CHD8: variants seen among roughly 807,000 people sequenced by gnomAD.
CHD8 encodes the protein chromodomain helicase DNA binding protein 8.
CHD8 carries 31 observed loss-of-function variants against 279.2 expected under a neutral mutation model. The ratio of observed to expected loss-of-function variants is 0.11; its 90% confidence interval spans 0.08 to 0.15. CHD8 has a LOEUF of 0.15. Ranked by LOEUF, CHD8 falls within the 10% of genes least tolerant of loss-of-function variation. CHD8 has a pLI of 1.00. For synonymous variants in CHD8, 1,081 were observed against 1,139.6 expected (o/e 0.95, Z 1.04); for missense variants, 2,146 against 3,230.5 (o/e 0.66, Z 8.14).
At position 21,403,976 on chromosome 14, in the gene CHD8, G is replaced by A. The variant is rs1025964229; in HGVS notation, c.3308-313C>T. On this transcript the variant is annotated intron_variant, in intron 16 of 37. Coordinates refer to ENST00000646647, the MANE Select transcript of CHD8 (RefSeq NM_001170629.2). This position sits in a 1 kb window ranked among gnomAD's most constrained non-coding sequence, Gnocchi z 4.3. Reference sequence around the variant, plus strand: ...TAGCCAGGTGTGGTGGCGGAGGCCTGTAGTTCCAGCTACTCAGGAGGCTGA... The same window carrying A: ...TAGCCAGGTGTGGTGGCGGAGGCCTATAGTTCCAGCTACTCAGGAGGCTGA... Among the ~76,000 whole-genome samples, 3 of 152,100 alleles carry A rather than the reference G, an allele frequency of 2.0e-5. No individual in the cohort carries two copies. The highest frequency in any genetic ancestry group is 7.2e-5 in the African/African-American group (3 of 41,416).
At chr14:21,446,578 T>A (rs1890127207) in intron 1 of CHD8, among the ~76,000 whole-genome samples, 1 of 152,220 alleles carries the variant, frequency 6.6e-6, no homozygotes, top group Non-Finnish European at 1.5e-5. Flanking sequence ...CCCAAAGTGC[T>A]AGGATTACTT....
intron 5 of CHD8, among the ~76,000 whole-genome samples, chr14:21,421,404 C>T (rs72684759): frequency 0.086 from 12,969 of 151,522 alleles, 753 homozygotes; most frequent in Middle Eastern, 0.2. Context: ...ATCTAGTATT[C>T]TACTGCATGA....
chr14:21,408,244 C>T lies in CHD8; in HGVS notation c.2730+68G>A. Reference sequence around the variant, plus strand: ...ATAAAAGTCTTCTATTCATATATAGCCCTTAAAATACCAGGTACCTTGGCC... The same window carrying T: ...ATAAAAGTCTTCTATTCATATATAGTCCTTAAAATACCAGGTACCTTGGCC... On this transcript the variant is annotated intron_variant, in intron 13 of 37. Transcript: ENST00000646647. This position sits in a 1 kb window ranked among gnomAD's most constrained non-coding sequence, Gnocchi z 4.3. 1.9e-6 allele frequency: 3 copies of T among 1,551,214 alleles called. No homozygotes were observed. The highest frequency in any genetic ancestry group is 2.3e-5 in the East Asian group (1 of 44,374).
chr14:21,435,168 A>G (rs1889729330), intron 1 of CHD8, among the ~76,000 whole-genome samples: 1 of 152,238 alleles, frequency 6.6e-6, no homozygotes, highest in Non-Finnish European at 1.5e-5. Flanking sequence ...CCATAATTAC[A>G]AACTAATGAC....
chr14:21,391,089 T>C (rs1330813216), intron 36 of CHD8, 26 bp from the exon 37 acceptor site: 4 of 1,360,904 alleles, frequency 2.9e-6, no homozygotes, highest in East Asian at 2.4e-5. Flanking sequence ...TCAGTTATCC[T>C]AGAGGAATAG....
intron 11 of CHD8, 81 bp downstream of exon 11, chr14:21,409,769 TA>T: frequency 7.2e-7 from 1 of 1,388,420 alleles, no homozygotes; most frequent in Non-Finnish European, 9.9e-7. Context: ...AATAAAAAGC[TA>T]AAACAACAAA....
intron 27 of CHD8, 114 bp downstream of exon 27, chr14:21,397,709 G>A: frequency 9.1e-7 from 1 of 1,102,030 alleles, no homozygotes; most frequent in Non-Finnish European, 1.3e-6. Flanking sequence ...TTTTTGCTAA[G>A]GATCTATCAC....
intron 1 of CHD8, among the ~76,000 whole-genome samples, chr14:21,448,845 G>A (rs994156743): frequency 1.3e-5 from 2 of 150,124 alleles, no homozygotes; most frequent in African/African-American, 2.4e-5. Flanking sequence ...TTACAGGCGT[G>A]AGCCACCGCG....
chr14:21,434,944 T>C (rs550103741), intron 1 of CHD8, among the ~76,000 whole-genome samples: 58 of 152,334 alleles, frequency 3.8e-4, no homozygotes, highest in African/African-American at 1.3e-3. Flanking sequence ...AACCATCTCA[T>C]GAATTCTCTT....
intron 5 of CHD8, among the ~76,000 whole-genome samples, chr14:21,422,861 A>G (rs1032174736): frequency 2.6e-5 from 4 of 152,222 alleles, no homozygotes; most frequent in African/African-American, 7.2e-5. Context: ...CCTGGGAGGC[A>G]GAGGTTGCAG....
In CHD8 at chr14:21,415,132, G is replaced by T. The variant is rs115307839; in HGVS notation, c.1969-139C>A. The T allele has an allele frequency of 1.8e-3, 1,153 of 635,894 alleles. 12 individuals carry two copies. In the African/African-American group the frequency reaches 0.02, roughly 11 times the overall value. The allele number at this position is 635,894 out of a possible 1,614,324, so 39.4% of individuals were successfully genotyped here. A position where few individuals can be genotyped will look rare whatever the true frequency, so the allele number is the denominator to read the frequency against. On this transcript the variant is annotated intron_variant, in intron 7 of 37. Transcript: ENST00000646647. ...AACTCAGAGATTAAGGAACTAGTCT[G>T]GTACTTCAATAATAGAGGCCTGATA...
intron 16 of CHD8, among the ~76,000 whole-genome samples, chr14:21,404,657 C>T (rs756160140): frequency 1.2e-4 from 18 of 152,130 alleles, no homozygotes; most frequent in African/African-American, 3.4e-4. Context: ...TGGGCTCAAC[C>T]GATCTTCCTG....
At chr14:21,396,835 A>G (rs1324319065) in intron 27 of CHD8, 1 of 152,462 alleles carries the variant, frequency 6.6e-6, no homozygotes, top group Admixed American at 6.5e-5. Flanking sequence ...GTGGCCTCCC[A>G]AAGGGCTGGG....
intron 1 of CHD8, among the ~76,000 whole-genome samples, chr14:21,439,799 C>G (rs575067029): frequency 6.6e-6 from 1 of 152,206 alleles, no homozygotes; most frequent in African/African-American, 2.4e-5. Context: ...TACTTGCTAG[C>G]CAAAAAAAGA....
rs752288417 is a variant in CHD8, at chr14:21,431,234, C to T, written c.410G>A (p.Gly137Asp). 9 of 1,598,640 alleles carry T rather than the reference C, an allele frequency of 5.6e-6. No individual in the cohort carries two copies. The highest frequency in any genetic ancestry group is 3.3e-4 in the Middle Eastern group (2 of 6,058). The change falls in exon 2 of 38, where the codon GGT becomes GAT. Residue 137 changes from glycine (G) to aspartate (D), a missense_variant. Physicochemically the swap from Gly to Asp is moderately conservative, Grantham distance 94. Coordinates refer to ENST00000646647, the MANE Select transcript of CHD8 (RefSeq NM_001170629.2). ...EILSQGNPFM[G>D]VSATAVSSSS... is the part of the protein sequence containing the mutation. The stretch of plus-strand genomic sequence containing the variant: ...GGAGGAGACAGCTGTGGCAGAGACA[C>T]CCATGAAAGGATTCCCTTGGCTCAG...
intron 37 of CHD8, among the ~76,000 whole-genome samples, chr14:21,388,505 T>C (rs1045761503): frequency 6.6e-6 from 1 of 152,182 alleles, no homozygotes; most frequent in Non-Finnish European, 1.5e-5. Flanking sequence ...ATTTATTTAT[T>C]TTTTGAGGCA....
Position 21,426,314 on chromosome 14 carries a change from C to G in CHD8, c.1602-72G>C. 6 of 760,196 alleles carry G rather than the reference C, an allele frequency of 7.9e-6. No individual in the cohort carries two copies. In the South Asian group the frequency reaches 1.0e-4, roughly 13 times the overall value. 47.1% of individuals were successfully genotyped at this position (760,196 alleles called of 1,614,324 possible). On this transcript the variant is annotated intron_variant, in intron 4 of 37. Transcript: ENST00000646647. Reference sequence around the variant, plus strand: ...TTAGGAGTAAAAAAACATAATTAATCTAAACCATCACATACAAAACTTCCA... The same window carrying G: ...TTAGGAGTAAAAAAACATAATTAATGTAAACCATCACATACAAAACTTCCA...
Position 21,400,959 on chromosome 14 carries a change from C to T in CHD8, c.4286G>A (p.Arg1429Gln), listed in dbSNP as rs184431500. ...ACGGTCATGTCTGCGGGAGCGTGGCCGCTCATCATCCTCACTTTCCAAATC... is the reference window on the plus strand; with the variant it reads ...ACGGTCATGTCTGCGGGAGCGTGGCTGCTCATCATCCTCACTTTCCAAATC... ...FSDLESEDDE[R>Q]PRSRRHDRHH... Residue 1429 changes from arginine (R) to glutamine (Q), a missense_variant, in exon 22 of 38, where the codon CGG becomes CAG. Around this residue, in one of 26 missense-constraint regions of CHD8, gnomAD observed 74 missense variants for 91.5 expected, o/e 0.81. Transcript: ENST00000646647. The surrounding 1 kb of genome is among the most constrained non-coding windows in gnomAD (Gnocchi z 4.2). 1.5e-5 allele frequency: 25 copies of T among 1,613,968 alleles called. No individual in the cohort carries two copies. In the Admixed American group the frequency reaches 2.3e-4, roughly 15 times the overall value.
At chr14:21,415,283 G>A (rs1888663978) in intron 7 of CHD8, 2 of 387,800 alleles carry the variant, frequency 5.2e-6, no homozygotes, top group African/African-American at 4.2e-5. Context: ...CAATATATCT[G>A]ACATCCAAAG....
Sources: allele counts gnomAD v4.1 joint callset (sites outside exome capture counted in the v4.1 genomes callset), GRCh38; gene constraint gnomAD v4.1.1; regional missense constraint gnomAD v4.1.1; non-coding constraint Gnocchi (gnomAD v3.1); transcripts MANE v1.5; gene names NCBI Gene and HGNC (gene_info 2026-07-23, HGNC 2026-07-21).